PGPEP1L: variants seen among roughly 807,000 people sequenced by gnomAD.
PGPEP1L encodes pyroglutamyl-peptidase 1-like protein.
A neutral mutation model predicts 6.0 loss-of-function variants in PGPEP1L; 7 were observed. The ratio of observed to expected loss-of-function variants is 1.17; its 90% confidence interval spans 0.66 to 2.19. The LOEUF (loss-of-function observed/expected upper bound fraction) is 2.19. PGPEP1L is among the 30% of genes most tolerant of loss of function. The probability of loss-of-function intolerance (pLI) is 0.00; values close to 1 mark genes in which losing one functional copy is unlikely to be tolerated. For synonymous variants in PGPEP1L, 103 were observed against 83.9 expected, an observed-to-expected ratio of 1.23 and a Z score of -1.24; for missense variants, 209 against 192.5, an observed-to-expected ratio of 1.09 and a Z score of -0.51.
Position 98,974,992 on chromosome 15 carries a change from A to G in PGPEP1L, c.-141-3834T>C, listed in dbSNP as rs534254709. Among the ~76,000 whole-genome samples, 27 of 152,374 alleles carry G rather than the reference A, an allele frequency of 1.8e-4. 2 individuals are homozygous for G. In the South Asian group the frequency reaches 5.6e-3, roughly 32 times the overall value. ...GGTATATATCAAAATAAAGGAAATC[A>G]GTATATCAGAAAGATATCTGCCTTC... On this transcript the variant is annotated intron_variant, in intron 2 of 4. Transcript: ENST00000535714.
rs140903036 is a variant in PGPEP1L at position 98,969,079 on chromosome 15, G to A, written c.209+346C>T. Among the ~76,000 whole-genome samples, 99 of 152,268 alleles carry A rather than the reference G, an allele frequency of 6.5e-4. 1 individual carries two copies. The East Asian group carries it at 0.014, about 21-fold the overall frequency. On this transcript the variant is annotated intron_variant, in intron 4 of 4. Transcript: ENST00000535714. ...CAAAGGTAAATCAATCTTTATCTGG[G>A]GCTACATCAACACAGTTAACTCACA... is the stretch of plus-strand genomic sequence containing the variant.
intron 2 of PGPEP1L, among the ~76,000 whole-genome samples, chr15:98,984,852 T>C (rs965346400): frequency 8.7e-5 from 13 of 150,170 alleles, no homozygotes; most frequent in Admixed American, 7.3e-4. Context: ...AAGGGGAAAA[T>C]GAAAGCTAGA....
At position 99,007,621 on chromosome 15, in the gene PGPEP1L, C is replaced by G. The variant is rs1403985058; in HGVS notation, c.-632G>C. The stretch of plus-strand genomic sequence containing the variant: ...CGTGTTTGGAGTTATTCGTTTCTCC[C>G]GGTGGGTCCGTGATGTGGCTGGCTT... On this transcript the variant is annotated 5_prime_UTR_variant, in exon 1 of 5. Coordinates refer to ENST00000535714, the MANE Select transcript of PGPEP1L (RefSeq NM_001167902.2). 6.6e-6 allele frequency: 1 copy of G among 151,980 alleles called. No individual in the cohort carries two copies. The highest frequency in any genetic ancestry group is 2.1e-4 in the South Asian group (1 of 4,810). The allele number at this position is 151,980 out of a possible 1,614,324, so 9.4% of individuals were successfully genotyped here.
chr15:98,979,364 G>A (rs149725070), intron 2 of PGPEP1L, among the ~76,000 whole-genome samples: 111 of 151,970 alleles, frequency 7.3e-4, no homozygotes, highest in African/African-American at 2.6e-3. Flanking sequence ...CTGGCTCTTT[G>A]CATCAATAAA....
intron 3 of PGPEP1L, among the ~76,000 whole-genome samples, chr15:98,970,342 CT>C (rs1315540241): frequency 6.6e-6 from 1 of 152,148 alleles, no homozygotes; most frequent in Non-Finnish European, 1.5e-5. Flanking sequence ...CCGTGCCCGC[CT>C]CCTGCATCTT....
intron 2 of PGPEP1L, among the ~76,000 whole-genome samples, chr15:98,989,176 C>A (rs1361250090): frequency 5.3e-5 from 8 of 152,164 alleles, no homozygotes; most frequent in African/African-American, 1.9e-4. Flanking sequence ...TGGATAATAA[C>A]AAACTCCTCT....
At chr15:99,000,435 C>T (rs554549052) in intron 2 of PGPEP1L, among the ~76,000 whole-genome samples, 63 of 152,342 alleles carry the variant, frequency 4.1e-4, no homozygotes, top group African/African-American at 1.2e-3. Flanking sequence ...GGCCCCAGTG[C>T]GGGATCCACA....
chr15:99,001,430 C>CTAAG (rs1555473008), intron 2 of PGPEP1L, among the ~76,000 whole-genome samples: 1 of 152,024 alleles, frequency 6.6e-6, no homozygotes, highest in African/African-American at 2.4e-5. Context: ...GTGGTGAAAG[C>CTAAG]TAAGGGGTGT....
At position 98,979,391 on chromosome 15, in the gene PGPEP1L, G is replaced by A. The variant is rs73465799; in HGVS notation, c.-141-8233C>T. Among the ~76,000 whole-genome samples, 394 of 152,012 alleles carry A rather than the reference G, an allele frequency of 2.6e-3. 1 individual carries two copies. The highest frequency in any genetic ancestry group is 9.2e-3 in the African/African-American group (382 of 41,490). On this transcript the variant is annotated intron_variant, in intron 2 of 4. Transcript: ENST00000535714. Reference sequence around the variant, plus strand: ...ATCAATAAAATATGGTAGGCGATGAGTACAAGAACAGGAGGACATGCACAT... The same window carrying A: ...ATCAATAAAATATGGTAGGCGATGAATACAAGAACAGGAGGACATGCACAT...
intron 2 of PGPEP1L, chr15:99,001,175 T>G: frequency 2.3e-6 from 1 of 443,438 alleles, no homozygotes; most frequent in Non-Finnish European, 4.5e-6. Context: ...CTTTAAGAAC[T>G]GTAACACTCA....
At chr15:99,001,975 T>G (rs1443081395) in intron 2 of PGPEP1L, among the ~76,000 whole-genome samples, 1 of 152,126 alleles carries the variant, frequency 6.6e-6, no homozygotes, top group Non-Finnish European at 1.5e-5. Context: ...TCTGGGCTTC[T>G]CAAAGTGCTG....
At chr15:98,972,979 A>C (rs1463230694) in intron 2 of PGPEP1L, among the ~76,000 whole-genome samples, 2 of 152,108 alleles carry the variant, frequency 1.3e-5, no homozygotes, top group Non-Finnish European at 2.9e-5. Flanking sequence ...ACTTTACCTA[A>C]AAAGATATGC....
intron 2 of PGPEP1L, among the ~76,000 whole-genome samples, chr15:99,002,950 C>G (rs1276756299): frequency 6.6e-6 from 1 of 152,140 alleles, no homozygotes. Flanking sequence ...GGCCTTTAGA[C>G]TAGGAACCAG....
intron 2 of PGPEP1L, among the ~76,000 whole-genome samples, chr15:98,994,514 G>T (rs918424067): frequency 6.6e-6 from 1 of 151,966 alleles, no homozygotes; most frequent in Non-Finnish European, 1.5e-5. Flanking sequence ...AATTAGCCAG[G>T]CATGGTGGCA....
At chr15:98,987,127 C>G (rs1443595725) in intron 2 of PGPEP1L, among the ~76,000 whole-genome samples, 1 of 127,464 alleles carries the variant, frequency 7.8e-6, no homozygotes, top group Non-Finnish European at 1.5e-5. Context: ...GATTGTGCCA[C>G]TGCACTCCAG....
chr15:99,006,490 T>C (rs1376901446), intron 1 of PGPEP1L, among the ~76,000 whole-genome samples: 2 of 152,254 alleles, frequency 1.3e-5, no homozygotes, highest in East Asian at 3.8e-4. Flanking sequence ...TCGAAAAAGC[T>C]GTTTTCCAAT....
intron 2 of PGPEP1L, among the ~76,000 whole-genome samples, chr15:98,986,395 A>C (rs539603297): frequency 1.3e-5 from 2 of 152,242 alleles, no homozygotes; most frequent in Non-Finnish European, 2.9e-5. Flanking sequence ...TCATGTCTAC[A>C]TAAGGAATCT....
At chr15:98,996,666 C>T (rs1284350211) in intron 2 of PGPEP1L, among the ~76,000 whole-genome samples, 2 of 152,010 alleles carry the variant, frequency 1.3e-5, no homozygotes, top group Non-Finnish European at 2.9e-5. Context: ...TATGCATGCA[C>T]GTGTGTATGC....
At chr15:98,972,951 G>A (rs140324977) in intron 2 of PGPEP1L, among the ~76,000 whole-genome samples, 41 of 146,782 alleles carry the variant, frequency 2.8e-4, no homozygotes, top group Admixed American at 7.6e-4. Context: ...CCAACTATAC[G>A]TTGTCTACAA....
Sources: allele counts gnomAD v4.1 joint callset (sites outside exome capture counted in the v4.1 genomes callset), GRCh38; gene constraint gnomAD v4.1.1; transcripts MANE v1.5; gene names NCBI Gene and HGNC (gene_info 2026-07-23, HGNC 2026-07-21).